The following PTPRD variants were observed in gnomAD, a reference collection of about 807,000 sequenced individuals.
PTPRD encodes the protein receptor-type tyrosine-protein phosphatase delta.
PTPRD carries 34 observed loss-of-function variants against 214.5 expected under a neutral mutation model. That is an observed-to-expected ratio of 0.16 (90% CI 0.12 to 0.21). PTPRD has a LOEUF of 0.21. Ranked by LOEUF, PTPRD falls within the 10% of genes least tolerant of loss-of-function variation. PTPRD has a pLI of 1.00. For missense variants in PTPRD, 2,545 were observed against 2,398.7 expected (o/e 1.06, Z -1.27); for synonymous variants, 1,128 against 845.7 (o/e 1.33, Z -5.79).
intron 3 of PTPRD, among the ~76,000 whole-genome samples, chr9:10,085,097 A>T (rs1271815861): frequency 6.6e-6 from 1 of 151,912 alleles, no homozygotes; most frequent in African/African-American, 2.4e-5. Context: ...TGGTTACAAA[A>T]TATTTGAATT....
intron 3 of PTPRD, among the ~76,000 whole-genome samples, chr9:10,123,482 G>A (rs1032878182): frequency 6.6e-6 from 1 of 152,130 alleles, no homozygotes; most frequent in Non-Finnish European, 1.5e-5. Flanking sequence ...GAAATGTCTT[G>A]GAAGTTGACC....
intron 2 of PTPRD, among the ~76,000 whole-genome samples, chr9:10,441,974 G>A (rs1203484322): frequency 6.6e-6 from 1 of 151,434 alleles, no homozygotes; most frequent in Non-Finnish European, 1.5e-5. Context: ...AAAAAAACTG[G>A]AGAAAAAAGT....
chr9:9,254,776 C>T (rs563659394), intron 9 of PTPRD, among the ~76,000 whole-genome samples: 59 of 152,094 alleles, frequency 3.9e-4, no homozygotes, highest in African/African-American at 1.3e-3. Flanking sequence ...TAAAACCCTG[C>T]GCCCTCATTC....
intron 10 of PTPRD, among the ~76,000 whole-genome samples, chr9:9,104,144 G>C (rs533763343): frequency 4.6e-5 from 7 of 152,274 alleles, no homozygotes; most frequent in African/African-American, 1.7e-4. Context: ...AGATACTTTA[G>C]GCTTTGTGGG....
At chr9:8,331,377 A>AT (rs1275690581) in intron 44 of PTPRD, among the ~76,000 whole-genome samples, 1 of 150,466 alleles carries the variant, frequency 6.6e-6, no homozygotes, top group Non-Finnish European at 1.5e-5. Context: ...GGGGATAAAC[A>AT]TTTTTTTGGG....
chr9:9,413,747 A>G (rs572917086), intron 8 of PTPRD, among the ~76,000 whole-genome samples: 4 of 152,184 alleles, frequency 2.6e-5, no homozygotes, highest in Non-Finnish European at 5.9e-5. Flanking sequence ...CTTGTAAAGC[A>G]CAGGAGAGGG....
At chr9:9,751,752 G>A (rs1240371275) in intron 6 of PTPRD, among the ~76,000 whole-genome samples, 1 of 152,028 alleles carries the variant, frequency 6.6e-6, no homozygotes, top group Non-Finnish European at 1.5e-5. Flanking sequence ...AGCTAGGAGG[G>A]GGCGTGTCTC....
chr9:8,337,874 T>TTA (rs558783396), intron 43 of PTPRD, among the ~76,000 whole-genome samples: 33 of 141,046 alleles, frequency 2.3e-4, no homozygotes, highest in South Asian at 8.9e-4. Context: ...AAGAGCACTA[T>TTA]TTTTTTTTTT....
At chr9:10,230,946 T>C (rs899586021) in intron 3 of PTPRD, among the ~76,000 whole-genome samples, 2 of 151,986 alleles carry the variant, frequency 1.3e-5, no homozygotes, top group Non-Finnish European at 2.9e-5. Context: ...GGTAGATTAT[T>C]GAGAATCTTA....
chr9:9,844,828 A>G (rs1312576509), intron 5 of PTPRD, among the ~76,000 whole-genome samples: 2 of 151,554 alleles, frequency 1.3e-5, no homozygotes, highest in Non-Finnish European at 2.9e-5. Flanking sequence ...CAAAATTTAA[A>G]AAGTGTCAGA....
chr9:10,469,859 G>T (rs139468871), intron 2 of PTPRD, among the ~76,000 whole-genome samples: 1 of 151,516 alleles, frequency 6.6e-6, no homozygotes, highest in East Asian at 1.9e-4. Flanking sequence ...TAGCAACATG[G>T]ATAAAACTGG....
chr9:10,394,211 AATAT>A (rs2098128152), intron 2 of PTPRD, among the ~76,000 whole-genome samples: 1 of 144,356 alleles, frequency 6.9e-6, no homozygotes, highest in Non-Finnish European at 1.5e-5. Context: ...GATAATATAT[AATAT>A]ATATTTCTAT....
intron 11 of PTPRD, among the ~76,000 whole-genome samples, chr9:8,795,233 C>A (rs542311885): frequency 6.6e-6 from 1 of 151,970 alleles, no homozygotes; most frequent in Admixed American, 6.6e-5. Flanking sequence ...GGCATGATCT[C>A]GGCTCACTGC....
At chr9:10,192,976 C>T (rs988371051) in intron 3 of PTPRD, among the ~76,000 whole-genome samples, 4 of 152,124 alleles carry the variant, frequency 2.6e-5, no homozygotes, top group Admixed American at 2.0e-4. Flanking sequence ...AAATCCTTTT[C>T]TAGTATTTAA....
At chr9:10,065,141 TAGAAAGAAAGAAAGAA>T (rs554379074) in intron 3 of PTPRD, among the ~76,000 whole-genome samples, 3 of 106,844 alleles carry the variant, frequency 2.8e-5, no homozygotes, top group African/African-American at 1.1e-4. Context: ...TGACTTGGAT[TAGAAAGAAAGAAAGAA>T]AGAAAGAAAG....
chr9:10,330,428 G>A (rs931889405), intron 3 of PTPRD, among the ~76,000 whole-genome samples: 2 of 151,800 alleles, frequency 1.3e-5, no homozygotes, highest in African/African-American at 4.8e-5. Flanking sequence ...ATAAGATAAT[G>A]TAGGAATCTT....
intron 11 of PTPRD, among the ~76,000 whole-genome samples, chr9:8,876,726 A>T (rs2098394811): frequency 6.6e-6 from 1 of 152,228 alleles, no homozygotes; most frequent in South Asian, 2.1e-4. Context: ...AAACTTTACC[A>T]AGTGACCAGG....
chr9:9,574,485 T>C (rs909450618), intron 8 of PTPRD, among the ~76,000 whole-genome samples: 1 of 152,068 alleles, frequency 6.6e-6, no homozygotes, highest in Non-Finnish European at 1.5e-5. Flanking sequence ...TATCAATCTT[T>C]ACCTTTGCGG....
chr9:10,256,711 G>A (rs1022314640), intron 3 of PTPRD, among the ~76,000 whole-genome samples: 2 of 152,208 alleles, frequency 1.3e-5, no homozygotes, highest in East Asian at 1.9e-4. Flanking sequence ...TGCCACTAAC[G>A]TGTAGGATAA....
Sources: gnomAD v4.1 joint callset for allele counts (sites outside exome capture counted in the v4.1 genomes callset) on GRCh38, gnomAD v4.1.1 for gene constraint, MANE v1.5 for transcripts, NCBI Gene and HGNC (gene_info 2026-07-23, HGNC 2026-07-21) for gene names.